TEX36: variants seen among roughly 807,000 people sequenced by gnomAD.
TEX36 encodes the protein testis expressed 36.
TEX36 carries 12 observed loss-of-function variants against 13.6 expected under a neutral mutation model. The ratio of observed to expected loss-of-function variants is 0.88; its 90% CI spans 0.56 to 1.43. The LOEUF (loss-of-function observed/expected upper bound fraction) is 1.43. Ranked by LOEUF, TEX36 falls within the 40% of genes most tolerant of loss-of-function variation. The pLI, the probability that TEX36 is intolerant of heterozygous loss-of-function variation, is 0.00. For synonymous variants in TEX36, 93 were observed against 83.0 expected, an observed-to-expected ratio of 1.12 and a Z score of -0.65; for missense variants, 224 against 228.3, an observed-to-expected ratio of 0.98 and a Z score of 0.12.
At chr10:125,580,414 G>T (rs1055357505) in intron 3 of TEX36, among the ~76,000 whole-genome samples, 5 of 152,214 alleles carry the variant, frequency 3.3e-5, no homozygotes, top group Non-Finnish European at 4.4e-5. Context: ...TGGAAGAGGA[G>T]AGTTTTCCCA....
chr10:125,651,654 G>A (rs888936207), downstream of TEX36, among the ~76,000 whole-genome samples: 11 of 151,810 alleles, frequency 7.2e-5, no homozygotes, highest in East Asian at 1.9e-4. Flanking sequence ...CAGGGCAATC[G>A]GGCAGGAGAA....
chr10:125,621,599 G>A (rs1324077943), downstream of TEX36: 1 of 455,980 alleles, frequency 2.2e-6, no homozygotes. Flanking sequence ...AGGGAGAATT[G>A]ACTCACATGA....
intron 3 of TEX36, among the ~76,000 whole-genome samples, chr10:125,604,247 G>C (rs1191035468): frequency 6.6e-6 from 1 of 152,076 alleles, no homozygotes; most frequent in Non-Finnish European, 1.5e-5. Flanking sequence ...CATTCGTATT[G>C]ACAGCCCCTC....
At chr10:125,644,569 G>C (rs538641440) in intron 3 of TEX36, among the ~76,000 whole-genome samples, 10 of 152,282 alleles carry the variant, frequency 6.6e-5, no homozygotes, top group Admixed American at 5.2e-4. Flanking sequence ...ACACGCACAC[G>C]TAAAACTGTG....
At chr10:125,666,895 T>G in intron 1 of TEX36, 1 of 442,438 alleles carries the variant, frequency 2.3e-6, no homozygotes, top group East Asian at 4.4e-5. Context: ...TGGTTAGAGA[T>G]GAAGAGGGAC....
intron 1 of TEX36, among the ~76,000 whole-genome samples, chr10:125,670,368 T>C (rs878984185): frequency 2.6e-5 from 4 of 152,248 alleles, no homozygotes; most frequent in Admixed American, 6.5e-5. Flanking sequence ...TTTTTTCATA[T>C]GTTTGTTGGC....
intron 3 of TEX36, among the ~76,000 whole-genome samples, chr10:125,597,546 G>A (rs945817298): frequency 1.3e-5 from 2 of 152,210 alleles, no homozygotes; most frequent in African/African-American, 4.8e-5. Flanking sequence ...GAGGTTTTAT[G>A]TTGTTTTGGC....
At chr10:125,666,333 T>G (rs900250156) in intron 1 of TEX36, among the ~76,000 whole-genome samples, 1 of 152,194 alleles carries the variant, frequency 6.6e-6, no homozygotes, top group Admixed American at 6.5e-5. Flanking sequence ...TAGCTGTGGG[T>G]TGGCTGTATA....
intron 3 of TEX36, among the ~76,000 whole-genome samples, chr10:125,650,133 T>C (rs1846830743): frequency 6.6e-6 from 1 of 152,164 alleles, no homozygotes; most frequent in Non-Finnish European, 1.5e-5. Flanking sequence ...AACTCAGCTC[T>C]GCACCAAGCA....
intron 1 of TEX36, chr10:125,667,327 C>A: frequency 1.6e-6 from 1 of 642,088 alleles, no homozygotes; most frequent in Non-Finnish European, 3.0e-6. Context: ...CAGTCAGCAC[C>A]TTCTTGGTCA....
At position 125,683,115 on chromosome 10, in the gene TEX36, G is replaced by C; in HGVS notation, c.-126C>G. ...GTCTGGGAAGCTCCTCCTCCTCCTTGTTCCTGATCTTTACTTCTCAGCCTC... is the reference window on the plus strand; with the variant it reads ...GTCTGGGAAGCTCCTCCTCCTCCTTCTTCCTGATCTTTACTTCTCAGCCTC... On this transcript the variant is annotated 5_prime_UTR_variant, in exon 1 of 4. Coordinates refer to ENST00000368821, the MANE Select transcript of TEX36 (RefSeq NM_001128202.3). 1 of 1,082,372 alleles carries C rather than the reference G, an allele frequency of 9.2e-7. No individual in the cohort carries two copies. Among genetic ancestry groups the C allele is most frequent in the African/African-American group, 1.6e-5 (1 of 63,800 alleles). 67.0% of individuals were successfully genotyped at this position (1,082,372 alleles called of 1,614,324 possible).
chr10:125,579,621 C>T (rs1845862098), intron 3 of TEX36, among the ~76,000 whole-genome samples: 1 of 152,084 alleles, frequency 6.6e-6, no homozygotes, highest in Non-Finnish European at 1.5e-5. Flanking sequence ...TTGTAATTTC[C>T]ATTGTTCGAG....
intron 3 of TEX36, among the ~76,000 whole-genome samples, chr10:125,609,086 C>T (rs750023675): frequency 6.8e-5 from 10 of 147,398 alleles, no homozygotes; most frequent in East Asian, 2.0e-4. Flanking sequence ...ACCTGGGAGG[C>T]GGAAGTTGCA....
Position 125,609,163 on chromosome 10 carries a change from ACAAAAC to A in TEX36, c.265-32295_265-32290del, listed in dbSNP as rs796570584. ...GAGGGAGACTCCATCTCAGGAAAAA[ACAAAAC>A]AAAAAAAAAAAAACTTTTAAACTAA... On this transcript the variant is annotated intron_variant, in intron 3 of 3. Transcript: ENST00000532135. Among the ~76,000 whole-genome samples, 94 of 86,218 alleles carry A rather than the reference ACAAAAC, an allele frequency of 1.1e-3. 1 individual carries two copies. The highest frequency in any genetic ancestry group is 6.1e-3 in the Middle Eastern group (1 of 164). 56.6% of individuals were successfully genotyped at this position (86,218 alleles called of 152,430 possible).
chr10:125,588,593 GTTT>G (rs1845986084), intron 3 of TEX36, among the ~76,000 whole-genome samples: 1 of 24,816 alleles, frequency 4.0e-5, no homozygotes, highest in Admixed American at 4.6e-4. Context: ...CAGGCTCTTG[GTTT>G]GTTTGTTTGT....
intron 3 of TEX36, among the ~76,000 whole-genome samples, chr10:125,587,409 G>T (rs2133528754): frequency 6.6e-6 from 1 of 152,308 alleles, no homozygotes; most frequent in Non-Finnish European, 1.5e-5. Flanking sequence ...AACTTTCAAA[G>T]TTTAAAAAAG....
intron 3 of TEX36, among the ~76,000 whole-genome samples, chr10:125,603,701 G>A (rs1039643099): frequency 2.6e-5 from 4 of 152,162 alleles, no homozygotes; most frequent in African/African-American, 4.8e-5. Context: ...AGTGCCAGGC[G>A]TCAAAAGGAC....
chr10:125,590,521 A>G (rs1846009550), intron 3 of TEX36, among the ~76,000 whole-genome samples: 1 of 152,190 alleles, frequency 6.6e-6, no homozygotes, highest in African/African-American at 2.4e-5. Flanking sequence ...AAAAGCCTTT[A>G]GCACAACATT....
rs562090921 is a variant in TEX36, at chr10:125,613,470, C to T, written c.265-36596G>A. Among the ~76,000 whole-genome samples the T allele has an allele frequency of 9.2e-3, 1,147 of 124,108 alleles. 8 individuals carry two copies. Among genetic ancestry groups the T allele is most frequent in the Middle Eastern group, 0.043 (10 of 230 alleles). 81.4% of individuals were successfully genotyped at this position (124,108 alleles called of 152,430 possible). A position where few individuals can be genotyped will look rare whatever the true frequency, so the allele number is the denominator to read the frequency against. On this transcript the variant is annotated intron_variant, in intron 3 of 3. Transcript: ENST00000532135. ...AACAGTCCTCAGAGTGTGATGTTCC[C>T]CTTCCTGTGTCCATGTGTTCTCATT...
Sources: allele counts gnomAD v4.1 joint callset (sites outside exome capture counted in the v4.1 genomes callset), GRCh38; gene constraint gnomAD v4.1.1; transcripts MANE v1.5; gene names NCBI Gene and HGNC (gene_info 2026-07-23, HGNC 2026-07-21).